The following RALYL variants were observed in gnomAD, a reference collection of about 807,000 sequenced individuals.
The protein encoded by RALYL is RNA-binding Raly-like protein.
RALYL carries 29 observed loss-of-function variants against 35.1 expected under a neutral mutation model. The ratio of observed to expected loss-of-function variants is 0.83; its 90% CI spans 0.61 to 1.13. The LOEUF (loss-of-function observed/expected upper bound fraction) is 1.13, where lower values mean the gene tolerates loss of function less well. Ranked by LOEUF, RALYL falls within the 50% of genes most tolerant of loss-of-function variation. RALYL has a pLI of 0.00. For missense variants in RALYL, 359 were observed against 360.4 expected (o/e 1.00, Z 0.03); for synonymous variants, 120 against 127.6 (o/e 0.94, Z 0.40).
intron 2 of RALYL, among the ~76,000 whole-genome samples, chr8:84,613,328 T>C (rs1158287402): frequency 2.0e-5 from 3 of 151,570 alleles, no homozygotes; most frequent in Non-Finnish European, 4.4e-5. Flanking sequence ...AACTTTTTAC[T>C]GTGTTCTTTC....
rs182656775 is a variant in RALYL at position 84,236,082 on chromosome 8, G to A, written c.-24+51658G>A. On this transcript the variant is annotated intron_variant, in intron 1 of 8. Coordinates refer to ENST00000521268, the MANE Select transcript of RALYL (RefSeq NM_173848.7). ...ATTCCAGTTCATTAAAGCTGTTCTC[G>A]TGGCTGTGTTTCATTTTTATTAGGA... 1.5e-3 allele frequency among the ~76,000 whole-genome samples: 234 copies of A among 152,086 alleles called. 1 individual carries two copies. Among genetic ancestry groups the A allele is most frequent in the African/African-American group, 5.3e-3 (220 of 41,484 alleles).
At chr8:84,841,564 C>A (rs1199487938) in intron 4 of RALYL, among the ~76,000 whole-genome samples, 1 of 152,140 alleles carries the variant, frequency 6.6e-6, no homozygotes, top group Non-Finnish European at 1.5e-5. Flanking sequence ...ATCAACGAGA[C>A]AGAAAGTTAA....
intron 2 of RALYL, among the ~76,000 whole-genome samples, chr8:84,620,613 C>T (rs1821118862): frequency 2.0e-5 from 3 of 152,220 alleles, no homozygotes; most frequent in Admixed American, 6.5e-5. Flanking sequence ...CATTCTCCAT[C>T]CAGTTTTGTT....
intron 1 of RALYL, among the ~76,000 whole-genome samples, chr8:84,291,257 C>T (rs1838724641): frequency 6.6e-6 from 1 of 152,126 alleles, no homozygotes; most frequent in African/African-American, 2.4e-5. Flanking sequence ...AAAAAAGAAG[C>T]ACTATTGGCT....
intron 5 of RALYL, among the ~76,000 whole-genome samples, chr8:84,850,287 A>C (rs1835570464): frequency 6.6e-6 from 1 of 152,210 alleles, no homozygotes. Flanking sequence ...TAAAATCCTA[A>C]AGATTTAATT....
chr8:84,390,000 T>G (rs1339282105), intron 1 of RALYL, among the ~76,000 whole-genome samples: 1 of 152,092 alleles, frequency 6.6e-6, no homozygotes, highest in Non-Finnish European at 1.5e-5. Flanking sequence ...TAGCTCTTAT[T>G]ATTTTGAGAT....
intron 2 of RALYL, among the ~76,000 whole-genome samples, chr8:84,677,157 G>T (rs949799083): frequency 6.6e-6 from 1 of 152,134 alleles, no homozygotes; most frequent in African/African-American, 2.4e-5. Context: ...GAAGCCAAAA[G>T]ATTTTATCAA....
intron 4 of RALYL, among the ~76,000 whole-genome samples, chr8:84,843,898 G>A (rs1586715313): frequency 1.3e-5 from 2 of 152,176 alleles, no homozygotes; most frequent in Admixed American, 1.3e-4. Flanking sequence ...ATGGTGCTGG[G>A]AAAACTGGCT....
intron 2 of RALYL, among the ~76,000 whole-genome samples, chr8:84,760,252 T>G (rs1216154850): frequency 1.3e-5 from 2 of 152,120 alleles, no homozygotes; most frequent in African/African-American, 4.8e-5. Context: ...CATGTTGATA[T>G]GAATACAAAT....
At chr8:84,911,351 C>T (rs1248531203) in intron 8 of RALYL, among the ~76,000 whole-genome samples, 2 of 152,030 alleles carry the variant, frequency 1.3e-5, no homozygotes, top group East Asian at 3.9e-4. Flanking sequence ...TTTCATAACC[C>T]AAACAGATCC....
At chr8:84,418,476 G>A (rs747892024) in intron 1 of RALYL, among the ~76,000 whole-genome samples, 5 of 152,016 alleles carry the variant, frequency 3.3e-5, no homozygotes, top group Non-Finnish European at 7.4e-5. Flanking sequence ...TTTAGCAGGA[G>A]GATGAAAAAA....
At chr8:84,219,797 T>C (rs185576993) in intron 1 of RALYL, among the ~76,000 whole-genome samples, 20 of 152,024 alleles carry the variant, frequency 1.3e-4, no homozygotes, top group Non-Finnish European at 2.9e-4. Flanking sequence ...GGTAAGGAAA[T>C]GAAGATATTG....
intron 2 of RALYL, among the ~76,000 whole-genome samples, chr8:84,599,696 TC>T: frequency 6.6e-6 from 1 of 152,210 alleles, no homozygotes; most frequent in African/African-American, 2.4e-5. Flanking sequence ...TATCATTCAT[TC>T]TTTTCACCCT....
chr8:84,874,201 G>A (rs1297391835), intron 7 of RALYL, among the ~76,000 whole-genome samples: 1 of 152,100 alleles, frequency 6.6e-6, no homozygotes, highest in Non-Finnish European at 1.5e-5. Flanking sequence ...TCTGACCAGT[G>A]TAACTTCCCT....
intron 2 of RALYL, among the ~76,000 whole-genome samples, chr8:84,672,623 G>T (rs546867558): frequency 4.6e-5 from 7 of 152,288 alleles, no homozygotes; most frequent in Non-Finnish European, 1.0e-4. Flanking sequence ...GACTGGGGAG[G>T]TCTTATAATC....
At chr8:84,853,806 C>G (rs1836368714) in intron 5 of RALYL, among the ~76,000 whole-genome samples, 1 of 152,062 alleles carries the variant, frequency 6.6e-6, no homozygotes, top group Non-Finnish European at 1.5e-5. Context: ...AGTCATTTCT[C>G]ATAAGTTACG....
At chr8:84,683,428 T>A (rs1183536211) in intron 2 of RALYL, among the ~76,000 whole-genome samples, 2 of 152,332 alleles carry the variant, frequency 1.3e-5, no homozygotes, top group East Asian at 3.9e-4. Context: ...ATCTTTCTAA[T>A]GTTGACAGTG....
intron 2 of RALYL, among the ~76,000 whole-genome samples, chr8:84,649,916 T>A (rs1828360477): frequency 6.6e-6 from 1 of 152,150 alleles, no homozygotes; most frequent in African/African-American, 2.4e-5. Flanking sequence ...CCCATGAGCA[T>A]GGAATGTTCT....
In RALYL at chr8:84,490,244, C is replaced by G. The variant is rs368330726; in HGVS notation, c.-23-39055C>G. Reference sequence around the variant, plus strand: ...CTCACCCTGCCCATTAAAAAATTTTCTAAATTTGCCTTTATACCATCTCTT... The same window carrying G: ...CTCACCCTGCCCATTAAAAAATTTTGTAAATTTGCCTTTATACCATCTCTT... On this transcript the variant is annotated intron_variant, in intron 1 of 8. Transcript: ENST00000521268. 1.7e-4 allele frequency among the ~76,000 whole-genome samples: 26 copies of G among 151,886 alleles called. 1 individual carries two copies. In the South Asian group the frequency reaches 1.9e-3, roughly 11 times the overall value.
Sources: gnomAD v4.1 joint callset for allele counts (sites outside exome capture counted in the v4.1 genomes callset) on GRCh38, gnomAD v4.1.1 for gene constraint, MANE v1.5 for transcripts, NCBI Gene and HGNC (gene_info 2026-07-23, HGNC 2026-07-21) for gene names.